Variants in TTBK2 observed in about 807,000 individuals in gnomAD.
TTBK2 encodes the protein tau-tubulin kinase 2.
TTBK2 carries 28 observed loss-of-function variants against 110.8 expected under a neutral mutation model. The ratio of observed to expected loss-of-function variants is 0.25; its 90% CI spans 0.19 to 0.35. The LOEUF (loss-of-function observed/expected upper bound fraction) is 0.35, where lower values mean the gene tolerates loss of function less well. Among genes scored for constraint, TTBK2 ranks in the 10% least tolerant of loss-of-function variants. The pLI, the probability that TTBK2 is intolerant of heterozygous loss-of-function variation, is 1.00. For missense variants in TTBK2, 1,369 were observed against 1,500.3 expected (o/e 0.91, Z 1.45); for synonymous variants, 532 against 527.3 (o/e 1.01, Z -0.12).
intron 1 of TTBK2, among the ~76,000 whole-genome samples, chr15:42,913,985 T>G (rs1206238610): frequency 6.6e-6 from 1 of 151,884 alleles, no homozygotes; most frequent in Non-Finnish European, 1.5e-5. Context: ...AACTTCCTTT[T>G]TTTTTTTTTG....
chr15:42,858,600 C>A (rs997478312), intron 3 of TTBK2, among the ~76,000 whole-genome samples: 6 of 152,138 alleles, frequency 3.9e-5, no homozygotes, highest in African/African-American at 1.4e-4. Context: ...CCATGCCATT[C>A]TATCAACAAG....
At chr15:42,796,408 A>AAGAG (rs200371406) in intron 9 of TTBK2, among the ~76,000 whole-genome samples, 3 of 152,150 alleles carry the variant, frequency 2.0e-5, no homozygotes, top group African/African-American at 7.2e-5. Context: ...CTCAAAAAAA[A>AAGAG]AGAGAGAGAG....
chr15:42,839,352 T>C (rs764578641), intron 4 of TTBK2, among the ~76,000 whole-genome samples: 3 of 152,224 alleles, frequency 2.0e-5, no homozygotes, highest in Non-Finnish European at 2.9e-5. Flanking sequence ...TCACCATTGA[T>C]GGGCATGTAA....
At chr15:42,808,423 A>T (rs1450226346) in intron 9 of TTBK2, among the ~76,000 whole-genome samples, 3 of 152,162 alleles carry the variant, frequency 2.0e-5, no homozygotes, top group Non-Finnish European at 4.4e-5. Context: ...CTGGAAACAT[A>T]TCATTGCTAT....
At chr15:42,863,126 A>T (rs1001120066) in intron 3 of TTBK2, among the ~76,000 whole-genome samples, 4 of 152,096 alleles carry the variant, frequency 2.6e-5, no homozygotes, top group African/African-American at 9.7e-5. Flanking sequence ...AAGTCAAACT[A>T]TCTCTCTTCA....
Position 42,842,698 on chromosome 15 carries a change from C to A in TTBK2, c.218-2265G>T, listed in dbSNP as rs552171084. 1.3e-3 allele frequency among the ~76,000 whole-genome samples: 199 copies of A among 149,626 alleles called. 1 individual carries two copies. The highest frequency in any genetic ancestry group is 6.8e-3 in the Middle Eastern group (2 of 292). ...GCCAGGAGTTTGAGACCAGCCTGGG[C>A]AACATAGCAAGACCCCTTCCCCTAA... On this transcript the variant is annotated intron_variant, in intron 3 of 14. Transcript: ENST00000267890.
chr15:42,765,129 G>A (rs954233609), intron 13 of TTBK2, among the ~76,000 whole-genome samples: 1 of 152,196 alleles, frequency 6.6e-6, no homozygotes, highest in African/African-American at 2.4e-5. Context: ...ACCAAAGGTA[G>A]ATAAAACCAC....
chr15:42,794,169 G>GA (rs1890831911), intron 10 of TTBK2, among the ~76,000 whole-genome samples: 1 of 150,414 alleles, frequency 6.6e-6, no homozygotes, highest in South Asian at 2.1e-4. Context: ...ACACGTAGAG[G>GA]AAAAAACATT....
At chr15:42,874,223 A>G (rs1465850709) in intron 2 of TTBK2, among the ~76,000 whole-genome samples, 1 of 152,174 alleles carries the variant, frequency 6.6e-6, no homozygotes, top group Non-Finnish European at 1.5e-5. Flanking sequence ...TGTGTCCCCC[A>G]TAGCATTTGG....
intron 1 of TTBK2, among the ~76,000 whole-genome samples, chr15:42,899,173 T>G (rs1308982719): frequency 6.6e-6 from 1 of 151,928 alleles, no homozygotes; most frequent in African/African-American, 2.4e-5. Flanking sequence ...TTTTCATATT[T>G]TTTTTTGTAG....
chr15:42,883,711 A>T (rs982247314), intron 1 of TTBK2, among the ~76,000 whole-genome samples: 1 of 152,100 alleles, frequency 6.6e-6, no homozygotes, highest in African/African-American at 2.4e-5. Context: ...TAAAACAAAT[A>T]ATAGAATGGT....
rs1263182616 is a variant in TTBK2, at chr15:42,741,357, G to A, written c.*4438C>T. 1 of 152,274 alleles carries A rather than the reference G, an allele frequency of 6.6e-6. No individual in the cohort carries two copies. 9.4% of individuals were successfully genotyped at this position (152,274 alleles called of 1,614,324 possible). ...AATGCACCTGTGGTTTCTGAACTTGGGTATACGCTGATACATAAGGACTAC... is the reference window on the plus strand; with the variant it reads ...AATGCACCTGTGGTTTCTGAACTTGAGTATACGCTGATACATAAGGACTAC... On this transcript the variant is annotated 3_prime_UTR_variant, in exon 15 of 15. Transcript: ENST00000267890.
At chr15:42,902,161 A>G (rs1164102010) in intron 1 of TTBK2, among the ~76,000 whole-genome samples, 1 of 150,868 alleles carries the variant, frequency 6.6e-6, no homozygotes, top group East Asian at 1.9e-4. Context: ...GGTTGCAGTG[A>G]GCCAAGATCG....
intron 12 of TTBK2, 65 bp downstream of exon 12, chr15:42,776,963 TAAC>T (rs772819942): frequency 6.0e-6 from 9 of 1,505,586 alleles, no homozygotes; most frequent in East Asian, 2.3e-5. Context: ...ACAATAATAA[TAAC>T]AACAATGACA....
chr15:42,789,179 T>A (rs1334290021), intron 10 of TTBK2, among the ~76,000 whole-genome samples: 1 of 152,200 alleles, frequency 6.6e-6, no homozygotes, highest in African/African-American at 2.4e-5. Context: ...CTATTTTATA[T>A]CCTTTGACCT....
At chr15:42,846,146 C>A (rs1470433056) in intron 3 of TTBK2, among the ~76,000 whole-genome samples, 3 of 150,998 alleles carry the variant, frequency 2.0e-5, no homozygotes, top group African/African-American at 7.3e-5. Flanking sequence ...AAAGTCTATA[C>A]ATATTTAGTA....
At chr15:42,906,576 C>T (rs1329584420) in intron 1 of TTBK2, among the ~76,000 whole-genome samples, 1 of 152,104 alleles carries the variant, frequency 6.6e-6, no homozygotes, top group Non-Finnish European at 1.5e-5. Flanking sequence ...TCTGAAACTA[C>T]TAGAAGAAAA....
At chr15:42,913,505 G>T (rs2030904152) in intron 1 of TTBK2, among the ~76,000 whole-genome samples, 1 of 152,036 alleles carries the variant, frequency 6.6e-6, no homozygotes. Context: ...AGGCGTGGTG[G>T]TGGGCGCCTG....
chr15:42,855,973 T>C (rs939900314), intron 3 of TTBK2, among the ~76,000 whole-genome samples: 8 of 152,156 alleles, frequency 5.3e-5, no homozygotes, highest in East Asian at 1.9e-4. Context: ...TGAGCCACCA[T>C]GCCCAGCCAA....
Sources: gnomAD v4.1 joint callset for allele counts (sites outside exome capture counted in the v4.1 genomes callset) on GRCh38, gnomAD v4.1.1 for gene constraint, MANE v1.5 for transcripts, NCBI Gene and HGNC (gene_info 2026-07-23, HGNC 2026-07-21) for gene names.